Variants in CEP295 observed in about 807,000 individuals in gnomAD.
The protein encoded by CEP295 is centrosomal protein of 295 kDa.
In CEP295, 190 loss-of-function variants were observed where a neutral mutation model predicts 291.6. The ratio of observed to expected loss-of-function variants is 0.65; its 90% confidence interval spans 0.58 to 0.73. The LOEUF is 0.73. CEP295 is among the 30% of genes least tolerant of loss of function. The pLI is 0.00. For missense variants in CEP295, 2,863 were observed against 2,949.4 expected (o/e 0.97, Z 0.68); for synonymous variants, 993 against 1,038.8 (o/e 0.96, Z 0.85).
At chr11:93,690,806 C>G (rs1951502040) in intron 10 of CEP295, among the ~76,000 whole-genome samples, 1 of 151,818 alleles carries the variant, frequency 6.6e-6, no homozygotes, top group African/African-American at 2.4e-5. Flanking sequence ...GCTTTATTCT[C>G]CCCCTTGCCT....
chr11:93,713,322 T>C (rs931357702), intron 18 of CEP295, among the ~76,000 whole-genome samples: 3 of 152,214 alleles, frequency 2.0e-5, no homozygotes, highest in African/African-American at 7.2e-5. Flanking sequence ...CATTTTTTAT[T>C]GCTTACTAAT....
chr11:93,692,093 T>C (rs1951585500), intron 12 of CEP295, 63 bp downstream of exon 12: 1 of 927,768 alleles, frequency 1.1e-6, no homozygotes, highest in Non-Finnish European at 1.6e-6. Context: ...ATAATTTTGT[T>C]TGGCCAATGA....
intron 7 of CEP295, among the ~76,000 whole-genome samples, chr11:93,679,758 T>G (rs1290110325): frequency 6.6e-6 from 1 of 152,222 alleles, no homozygotes; most frequent in African/African-American, 2.4e-5. Context: ...TGTATTGCTA[T>G]TCTAAAAATT....
chr11:93,722,971 G>T lies in CEP295; in HGVS notation c.5948-70G>T, dbSNP rs981146975. The T allele has an allele frequency of 3.0e-6, 4 of 1,320,348 alleles. No individual in the cohort carries two copies. The Admixed American group carries it at 7.8e-5, about 26-fold the overall frequency. 81.8% of individuals were successfully genotyped at this position (1,320,348 alleles called of 1,614,324 possible). ...GATCCACCCACCTCGGCCTCCCAAA[G>T]TGCTGGTATTACAGGCGTGAGCCAT... On this transcript the variant is annotated intron_variant, in intron 20 of 29. Transcript: ENST00000325212.
Position 93,729,979 on chromosome 11 carries a change from ATTTTT to A in CEP295, c.7667+22_7667+26del. 3 of 1,389,776 alleles carry A rather than the reference ATTTTT, an allele frequency of 2.2e-6. No homozygotes were observed. Among genetic ancestry groups the A allele is most frequent in the Non-Finnish European group, 2.9e-6 (3 of 1,038,064 alleles). 86.1% of individuals were successfully genotyped at this position (1,389,776 alleles called of 1,614,324 possible). A position where few individuals can be genotyped will look rare whatever the true frequency, so the allele number is the denominator to read the frequency against. On this transcript the variant is annotated intron_variant, in intron 28 of 29. Coordinates refer to ENST00000325212, the MANE Select transcript of CEP295 (RefSeq NM_033395.2). ...ACCAAAGGGGTCTAAGGTAGGGTTA[ATTTTT>A]TTTTTTTTTTTAGTGATTCACTTTT...
At chr11:93,723,000 G>T (rs747910394) in intron 20 of CEP295, 41 bp from the exon 21 acceptor site, 12 of 1,527,368 alleles carry the variant, frequency 7.9e-6, no homozygotes, top group East Asian at 2.5e-5. Flanking sequence ...GAGCCATCAC[G>T]CCTGGCCTAT....
chr11:93,684,693 C>T (rs10831091), intron 9 of CEP295, among the ~76,000 whole-genome samples: 59,188 of 152,064 alleles, frequency 0.39, 13,085 homozygotes, highest in Non-Finnish European at 0.49. Flanking sequence ...TTTTTGCAAG[C>T]GGTTGCAGTT....
intron 5 of CEP295, 149 bp from the exon 6 acceptor site, chr11:93,675,422 C>G: frequency 2.3e-6 from 1 of 441,584 alleles, no homozygotes. Context: ...TAATTTAACT[C>G]AAAAAATTTG....
At chr11:93,704,212 G>T (rs1271649551) in intron 17 of CEP295, among the ~76,000 whole-genome samples, 1 of 151,914 alleles carries the variant, frequency 6.6e-6, no homozygotes, top group African/African-American at 2.4e-5. Context: ...CAATAGAAAG[G>T]TACTTAGAAG....
In CEP295 at chr11:93,687,799, G is replaced by T. The variant is rs1455946019; in HGVS notation, c.1270G>T (p.Ala424Ser). ...GACTGTTAGTGAAATTGAGAGTAAA[G>T]CACCAACGGTTGAGTCAGGAACAAT... ...ITTVSEIESK[A>S]PTVESGTIAS... The change falls in exon 10 of 30, where the codon GCA becomes TCA. Residue 424 changes from alanine (A) to serine (S), a missense_variant. By Grantham distance (99) the Ala-to-Ser change is moderately conservative. Transcript: ENST00000325212. 9.0e-6 allele frequency: 14 copies of T among 1,551,234 alleles called. No homozygotes were observed. The highest frequency in any genetic ancestry group is 1.1e-5 in the Non-Finnish European group (13 of 1,146,780).
rs1209067818 is a variant in CEP295, at chr11:93,727,244, C to CAT, written c.6769_6770insTA (p.Thr2257IlefsTer17). The CAT allele has an allele frequency of 3.2e-6, 5 of 1,551,754 alleles. No homozygotes were observed. The highest frequency in any genetic ancestry group is 4.4e-6 in the Non-Finnish European group (5 of 1,146,964). On this transcript the variant is annotated frameshift_variant, in exon 24 of 30. Transcript: ENST00000325212. LOFTEE classifies it high-confidence loss of function. ...TTGATCAGTTAAATGTACAGCATAGCACTCCATGTGGTTCTAACTCTAGTG... is the reference window on the plus strand; with the variant it reads ...TTGATCAGTTAAATGTACAGCATAGCATACTCCATGTGGTTCTAACTCTAGTG...
intron 12 of CEP295, among the ~76,000 whole-genome samples, chr11:93,694,229 A>G (rs1951738207): frequency 1.3e-5 from 2 of 152,188 alleles, no homozygotes; most frequent in Admixed American, 1.3e-4. Flanking sequence ...TTTTTTACTT[A>G]TTCAGTAAAT....
chr11:93,727,107 C>A lies in CEP295; in HGVS notation c.6631C>A (p.Pro2211Thr), dbSNP rs891270317. 1.9e-6 allele frequency: 3 copies of A among 1,551,240 alleles called. No homozygotes were observed. In the Admixed American group the frequency reaches 5.9e-5, roughly 30 times the overall value. Reference protein sequence around the residue: ...SSQGMKNQNYPSEEHTEILQN... With the variant: ...SSQGMKNQNYTSEEHTEILQN... ...CCAAGGCATGAAAAATCAGAACTAT[C>A]CCTCTGAAGAACATACTGAAATATT... is the stretch of plus-strand genomic sequence containing the variant. Residue 2211 changes from proline (P) to threonine (T), a missense_variant, in exon 24 of 30, where the codon CCC becomes ACC. Pro to Thr is a conservative substitution (Grantham distance 38). This residue lies in a region of CEP295 where 2,295 missense variants were observed against 2,335.7 expected (regional missense o/e 0.98). Transcript: ENST00000325212.
intron 2 of CEP295, 138 bp downstream of exon 2, chr11:93,666,953 T>C: frequency 1.9e-6 from 1 of 519,236 alleles, no homozygotes; most frequent in Admixed American, 3.1e-5. Flanking sequence ...TGGTATTAAC[T>C]AGTTTTGGAA....
chr11:93,715,778 C>T (rs1465083794), intron 18 of CEP295, among the ~76,000 whole-genome samples: 2 of 152,122 alleles, frequency 1.3e-5, no homozygotes, highest in Non-Finnish European at 2.9e-5. Context: ...TAAATGTCAT[C>T]CAACAGCTAG....
At chr11:93,672,115 G>A (rs183732241) in intron 5 of CEP295, among the ~76,000 whole-genome samples, 5 of 152,224 alleles carry the variant, frequency 3.3e-5, no homozygotes, top group African/African-American at 1.2e-4. Context: ...CGTAACCAAA[G>A]TCCTTTAATA....
rs560252031 is a variant in CEP295, at chr11:93,699,591, C to G, written c.4679C>G (p.Ser1560Cys). The G allele has an allele frequency of 1.3e-6, 2 of 1,551,896 alleles. No individual in the cohort carries two copies. The highest frequency in any genetic ancestry group is 2.7e-5 in the African/African-American group (2 of 73,184). ...GTATCCCAGGTGCCTGTTGCTGACTCTGAAAGAACCCAGAAGTCTTTCCCA... is the reference window on the plus strand; with the variant it reads ...GTATCCCAGGTGCCTGTTGCTGACTGTGAAAGAACCCAGAAGTCTTTCCCA... ...SFVSQVPVADSERTQKSFPTK... is the reference protein window; with the variant it reads ...SFVSQVPVADCERTQKSFPTK... The change falls in exon 15 of 30, where the codon TCT becomes TGT. Residue 1560 changes from serine (S) to cysteine (C), a missense_variant. Physicochemically the swap from Ser to Cys is moderately radical, Grantham distance 112 (BLOSUM62 -1). Transcript: ENST00000325212.
At chr11:93,672,106 G>A (rs1057470083) in intron 5 of CEP295, among the ~76,000 whole-genome samples, 9 of 152,224 alleles carry the variant, frequency 5.9e-5, no homozygotes, top group Non-Finnish European at 1.2e-4. Flanking sequence ...GTTAAGTAAC[G>A]TAACCAAAGT....
chr11:93,727,944 T>A (rs1937616291), intron 24 of CEP295: 1 of 213,882 alleles, frequency 4.7e-6, no homozygotes, highest in East Asian at 1.1e-4. Flanking sequence ...TGAGAGTATT[T>A]TACAAAAGAT....
Sources: gnomAD v4.1 joint callset for allele counts (sites outside exome capture counted in the v4.1 genomes callset) on GRCh38, gnomAD v4.1.1 for gene constraint, gnomAD v4.1.1 regional missense constraint, MANE v1.5 for transcripts, NCBI Gene and HGNC (gene_info 2026-07-23, HGNC 2026-07-21) for gene names.